Variants in USPL1 observed in about 807,000 individuals in gnomAD.
USPL1 encodes the protein ubiquitin specific peptidase like 1.
USPL1 carries 27 observed loss-of-function variants against 51.5 expected under a neutral mutation model. The ratio of observed to expected loss-of-function variants is 0.52; its 90% CI spans 0.39 to 0.72. The LOEUF (loss-of-function observed/expected upper bound fraction) is 0.72, where lower values mean the gene tolerates loss of function less well. USPL1 is among the 30% of genes least tolerant of loss of function. USPL1 has a pLI of 0.00. For synonymous variants in USPL1, 451 were observed against 459.6 expected (o/e 0.98, Z 0.24); for missense variants, 1,226 against 1,268.0 (o/e 0.97, Z 0.50).
At chr13:30,625,709 C>G (rs1034001000) in intron 3 of USPL1, among the ~76,000 whole-genome samples, 1 of 152,018 alleles carries the variant, frequency 6.6e-6, no homozygotes, top group African/African-American at 2.4e-5. Context: ...TCCCAAAATG[C>G]TGGGGTTACA....
Position 30,653,086 on chromosome 13 carries a change from T to C in USPL1, c.1239-62T>C. The C allele has an allele frequency of 7.4e-6, 11 of 1,480,956 alleles. No individual in the cohort carries two copies. In the South Asian group the frequency reaches 1.5e-4, roughly 20 times the overall value. 91.7% of individuals were successfully genotyped at this position (1,480,956 alleles called of 1,614,324 possible). A position where few individuals can be genotyped will look rare whatever the true frequency, so the allele number is the denominator to read the frequency against. On this transcript the variant is annotated intron_variant, in intron 7 of 8. Transcript: ENST00000255304. The stretch of plus-strand genomic sequence containing the variant: ...TGTGACTAGTTCACTTCAGACATCT[T>C]TTGTATAATCAGACACATGGCATTA...
intron 7 of USPL1, among the ~76,000 whole-genome samples, chr13:30,650,308 G>C (rs1045341454): frequency 2.0e-5 from 3 of 152,146 alleles, no homozygotes; most frequent in African/African-American, 7.2e-5. Context: ...CGGGCATGGT[G>C]GCTTATGCCT....
intron 3 of USPL1, among the ~76,000 whole-genome samples, chr13:30,625,458 T>G (rs1217837349): frequency 6.8e-6 from 1 of 147,946 alleles, no homozygotes; most frequent in East Asian, 1.9e-4. Context: ...TTTTTTTTTT[T>G]TTTTTTGAGA....
At position 30,659,160 on chromosome 13, in the gene USPL1, G is replaced by A; in HGVS notation, c.3083G>A (p.Ser1028Asn). 6.2e-7 allele frequency: 1 copy of A among 1,613,918 alleles called. No individual in the cohort carries two copies. Among genetic ancestry groups the A allele is most frequent in the Non-Finnish European group, 8.5e-7 (1 of 1,180,000 alleles). Reference sequence around the variant, plus strand: ...CTGAGACAGGACCATAATTATTGTAGCCCCACCAAGAAAAATCCATGTGAA... The same window carrying A: ...CTGAGACAGGACCATAATTATTGTAACCCCACCAAGAAAAATCCATGTGAA... ...THLRQDHNYC[S>N]PTKKNPCEVQ... Residue 1028 changes from serine (S) to asparagine (N), a missense_variant, in exon 9 of 9, where the codon AGC (serine) becomes AAC (asparagine). Coordinates refer to ENST00000255304, the MANE Select transcript of USPL1 (RefSeq NM_005800.5).
At chr13:30,654,981 C>A (rs1951141944) in intron 8 of USPL1, among the ~76,000 whole-genome samples, 1 of 151,662 alleles carries the variant, frequency 6.6e-6, no homozygotes. Flanking sequence ...TCTTGTTGCC[C>A]AGGCTGGAGT....
rs759958839 is a variant in USPL1 at position 30,630,890 on chromosome 13, A to T, written c.284A>T (p.Glu95Val). The change falls in exon 4 of 9, where the codon GAA (glutamate) becomes GTA (valine). Residue 95 changes from glutamate to valine, a missense_variant. Transcript: ENST00000255304. ...AATAACCTAATTTCTCCTGATTTGG[A>T]AGAATGTCACACTCCACATAAGCCT... is the stretch of plus-strand genomic sequence containing the variant. The part of the protein sequence containing the change: ...SLNNLISPDL[E>V]ECHTPHKPQK... 6.2e-7 allele frequency: 1 copy of T among 1,613,620 alleles called. No homozygotes were observed. Among genetic ancestry groups the T allele is most frequent in the African/African-American group, 1.3e-5 (1 of 74,940 alleles).
At chr13:30,632,361 A>G (rs551686796) in intron 4 of USPL1, among the ~76,000 whole-genome samples, 1 of 139,102 alleles carries the variant, frequency 7.2e-6, no homozygotes, top group Non-Finnish European at 1.6e-5. Flanking sequence ...TATCCAGTCT[A>G]TCATTGATGG....
At chr13:30,623,838 C>T (rs1472175686) in intron 3 of USPL1, among the ~76,000 whole-genome samples, 3 of 152,102 alleles carry the variant, frequency 2.0e-5, no homozygotes, top group African/African-American at 7.2e-5. Context: ...GGGCTGGTGC[C>T]GTGTAGGAGG....
rs1951217584 is a variant in USPL1 at position 30,659,081 on chromosome 13, C to T, written c.3004C>T (p.His1002Tyr). 1 of 1,614,136 alleles carries T rather than the reference C, an allele frequency of 6.2e-7. No homozygotes were observed. The highest frequency in any genetic ancestry group is 8.5e-7 in the Non-Finnish European group (1 of 1,180,034). The part of the protein sequence containing the change: ...DFRYLGMGDS[H>Y]IPPPVPSEFN... ...TAGGTATTTGGGAATGGGAGATAGT[C>T]ATATCCCACCACCAGTACCAAGTGA... Residue 1002 changes from histidine to tyrosine, a missense_variant, in exon 9 of 9, where the codon CAT becomes TAT. His to Tyr is a moderately conservative substitution (Grantham distance 83). Transcript: ENST00000255304.
At chr13:30,624,507 A>C (rs1950685235) in intron 3 of USPL1, among the ~76,000 whole-genome samples, 1 of 152,098 alleles carries the variant, frequency 6.6e-6, no homozygotes, top group Admixed American at 6.6e-5. Flanking sequence ...AGCCCCAGCT[A>C]CCCGGGAGGG....
At chr13:30,638,175 T>C (rs1853562) in intron 5 of USPL1, among the ~76,000 whole-genome samples, 17,598 of 152,252 alleles carry the variant, frequency 0.12, 1,057 homozygotes, top group African/African-American at 0.15. Context: ...TTAACCTCAA[T>C]TGTGCATTAA....
chr13:30,636,393 G>A (rs2137653924), intron 4 of USPL1, among the ~76,000 whole-genome samples: 1 of 151,144 alleles, frequency 6.6e-6, no homozygotes, highest in African/African-American at 2.4e-5. Context: ...TCTGGTTAAT[G>A]CTTATTTCAT....
intron 3 of USPL1, among the ~76,000 whole-genome samples, chr13:30,622,238 T>C (rs891212293): frequency 6.6e-6 from 1 of 152,114 alleles, no homozygotes; most frequent in African/African-American, 2.4e-5. Context: ...GGAAAAGTTA[T>C]GAATTTCTAA....
chr13:30,621,029 A>G, intron 1 of USPL1, 44 bp from the exon 2 acceptor site: 1 of 831,406 alleles, frequency 1.2e-6, no homozygotes, highest in South Asian at 1.8e-5. Context: ...TTTTTATAGT[A>G]AATAGAATTT....
intron 7 of USPL1, among the ~76,000 whole-genome samples, chr13:30,647,987 A>G (rs1232263252): frequency 1.3e-5 from 2 of 152,320 alleles, no homozygotes; most frequent in African/African-American, 4.8e-5. Flanking sequence ...TGCCTATTCT[A>G]CCGTAATGCA....
chr13:30,624,600 A>G (rs1303750968), intron 3 of USPL1, among the ~76,000 whole-genome samples: 2 of 152,196 alleles, frequency 1.3e-5, no homozygotes, highest in African/African-American at 4.8e-5. Flanking sequence ...AGTCAGGATG[A>G]CAGAGTGTGA....
At position 30,659,290 on chromosome 13, in the gene USPL1, A is replaced by G; in HGVS notation, c.3213A>G (p.Leu1071=). 1.2e-6 allele frequency: 2 copies of G among 1,614,056 alleles called. No homozygotes were observed. The highest frequency in any genetic ancestry group is 1.7e-6 in the Non-Finnish European group (2 of 1,179,924). ...IFDEFFSSSA[L]NALANDTLDL... ...ATGAGTTTTTTTCCTCCTCAGCATT[A>G]AATGCTTTAGCAAATGACACATTAG... Residue 1071 remains leucine, a synonymous_variant, in exon 9 of 9, where the codon TTA becomes TTG. Coordinates refer to ENST00000255304, the MANE Select transcript of USPL1 (RefSeq NM_005800.5).
At chr13:30,622,554 G>A (rs1950659133) in intron 3 of USPL1, among the ~76,000 whole-genome samples, 1 of 152,184 alleles carries the variant, frequency 6.6e-6, no homozygotes, top group African/African-American at 2.4e-5. Context: ...ATTTCAGAGG[G>A]TTTGGGAACA....
At chr13:30,648,574 T>C (rs1951047854) in intron 7 of USPL1, among the ~76,000 whole-genome samples, 1 of 152,216 alleles carries the variant, frequency 6.6e-6, no homozygotes, top group South Asian at 2.1e-4. Flanking sequence ...CATCAACATA[T>C]GCACTCCGTA....
Sources: gnomAD v4.1 joint callset for allele counts (sites outside exome capture counted in the v4.1 genomes callset) on GRCh38, gnomAD v4.1.1 for gene constraint, MANE v1.5 for transcripts, NCBI Gene and HGNC (gene_info 2026-07-23, HGNC 2026-07-21) for gene names.